NOX4: variants seen among roughly 807,000 people sequenced by gnomAD.
NOX4 encodes kidney oxidase-1.
Under a neutral mutation model 87.6 loss-of-function variants are expected in NOX4, and 69 were observed. The ratio of observed to expected loss-of-function variants is 0.79; its 90% confidence interval spans 0.65 to 0.96. NOX4 has a LOEUF of 0.96. Among genes scored for constraint, NOX4 ranks in the 40% least tolerant of loss-of-function variants. NOX4 has a pLI of 0.00. For missense variants in NOX4, 680 were observed against 681.5 expected, an observed-to-expected ratio of 1.00 and a Z score of 0.02; for synonymous variants, 275 against 238.2, an observed-to-expected ratio of 1.15 and a Z score of -1.42.
chr11:89,364,006 ACATTC>A (rs1938736324), intron 12 of NOX4, among the ~76,000 whole-genome samples: 1 of 152,086 alleles, frequency 6.6e-6, no homozygotes, highest in Admixed American at 6.6e-5. Context: ...GCTCATGGCT[ACATTC>A]CCAATATTTG....
chr11:89,463,679 T>C (rs1443827619), intron 2 of NOX4, among the ~76,000 whole-genome samples: 3 of 151,898 alleles, frequency 2.0e-5, no homozygotes, highest in African/African-American at 4.8e-5. Context: ...GTAATTTTCA[T>C]TGACTGATAT....
chr11:89,502,666 T>C (rs1282128566), upstream of NOX4, among the ~76,000 whole-genome samples: 1 of 152,056 alleles, frequency 6.6e-6, no homozygotes, highest in East Asian at 1.9e-4. Context: ...CTAAATGCTA[T>C]AATTGAATTA....
chr11:89,542,644 A>C, the NOX4 span, among the ~76,000 whole-genome samples: 3 of 152,272 alleles, frequency 2.0e-5, no homozygotes, highest in East Asian at 5.8e-4. Context: ...GGCAGCTTTT[A>C]GTGGTGTTCT....
Position 89,444,547 on chromosome 11 carries a change from A to G in NOX4, c.350-315T>C, listed in dbSNP as rs190603491. On this transcript the variant is annotated intron_variant, in intron 4 of 17. Coordinates refer to ENST00000263317, the MANE Select transcript of NOX4 (RefSeq NM_016931.5). ...CATACACACACACACACACACACAC[A>G]CACATAAATATGCATCTAATGATAT... 9.4e-3 allele frequency among the ~76,000 whole-genome samples: 1,433 copies of G among 151,718 alleles called. 20 individuals carry two copies. Among genetic ancestry groups the G allele is most frequent in the African/African-American group, 0.033 (1,383 of 41,346 alleles).
chr11:89,438,244 A>G (rs1301028058), intron 6 of NOX4, among the ~76,000 whole-genome samples: 1 of 139,480 alleles, frequency 7.2e-6, no homozygotes, highest in African/African-American at 2.7e-5. Context: ...ATAACATAGT[A>G]ATATATTATT....
Position 89,402,314 on chromosome 11 carries a change from A to C in NOX4, c.846+12T>G, listed in dbSNP as rs1484355359. 8.7e-6 allele frequency: 14 copies of C among 1,603,168 alleles called. No individual in the cohort carries two copies. The highest frequency in any genetic ancestry group is 5.0e-5 in the Admixed American group (3 of 59,852). ...CAAACTTTGTGGAGATCAAACACAA[A>C]ATTAATCTGACCTGTGGAAAATTAG... is the stretch of plus-strand genomic sequence containing the variant. On this transcript the variant is annotated intron_variant, in intron 9 of 17. Transcript: ENST00000263317.
At chr11:89,390,955 C>T (rs1011419096) in intron 11 of NOX4, among the ~76,000 whole-genome samples, 1 of 152,084 alleles carries the variant, frequency 6.6e-6, no homozygotes, top group Non-Finnish European at 1.5e-5. Context: ...CTTTATCCCT[C>T]CAACATTTCC....
the NOX4 span, among the ~76,000 whole-genome samples, chr11:89,555,489 A>G: frequency 6.6e-6 from 1 of 152,210 alleles, no homozygotes; most frequent in Non-Finnish European, 1.5e-5. Flanking sequence ...GTTTCAAAAA[A>G]AAAAGAGTTT....
At chr11:89,490,885 C>T (rs56326837) in intron 1 of NOX4, 20,435 of 700,908 alleles carry the variant, frequency 0.029, 915 homozygotes, top group African/African-American at 0.16. Flanking sequence ...GGGAAAAGAA[C>T]AAAGGGAGCA....
At chr11:89,561,792 T>C in the NOX4 span, among the ~76,000 whole-genome samples, 1 of 152,004 alleles carries the variant, frequency 6.6e-6, no homozygotes, top group African/African-American at 2.4e-5. Flanking sequence ...AGCAAATCCA[T>C]AGAATGTCAG....
At position 89,457,395 on chromosome 11, in the gene NOX4, C is replaced by G. The variant is rs75781660; in HGVS notation, c.154-5500G>C. On this transcript the variant is annotated intron_variant, in intron 2 of 17. Coordinates refer to ENST00000263317, the MANE Select transcript of NOX4 (RefSeq NM_016931.5). ...GCCATAGGCATGAGCATACACAGGACCACTTCAGGCTCACTCCCACCAGTG... is the reference window on the plus strand; with the variant it reads ...GCCATAGGCATGAGCATACACAGGAGCACTTCAGGCTCACTCCCACCAGTG... Among the ~76,000 whole-genome samples, 1,249 of 152,312 alleles carry G rather than the reference C, an allele frequency of 8.2e-3. 18 individuals are homozygous for G. Among genetic ancestry groups the G allele is most frequent in the African/African-American group, 0.029 (1,186 of 41,578 alleles).
At chr11:89,579,570 G>A in the NOX4 span, among the ~76,000 whole-genome samples, 2 of 152,032 alleles carry the variant, frequency 1.3e-5, no homozygotes, top group South Asian at 2.1e-4. Context: ...AACATAAAGA[G>A]TGAATCTACC....
chr11:89,565,068 C>G, the NOX4 span, among the ~76,000 whole-genome samples: 1 of 151,992 alleles, frequency 6.6e-6, no homozygotes, highest in East Asian at 1.9e-4. Flanking sequence ...TGGGATTTAG[C>G]CAGTGAACAT....
chr11:89,571,803 C>T, the NOX4 span, among the ~76,000 whole-genome samples: 4 of 151,992 alleles, frequency 2.6e-5, no homozygotes, highest in Non-Finnish European at 5.9e-5. Context: ...AATAAGGTAG[C>T]TACAAAGATA....
intron 17 of NOX4, among the ~76,000 whole-genome samples, chr11:89,327,893 A>G (rs2135356215): frequency 6.6e-6 from 1 of 152,328 alleles, no homozygotes; most frequent in South Asian, 2.1e-4. Context: ...AATCTAGAAA[A>G]AAAGCAAACA....
intron 8 of NOX4, among the ~76,000 whole-genome samples, chr11:89,409,246 C>T (rs1047760700): frequency 2.0e-5 from 3 of 152,046 alleles, no homozygotes; most frequent in South Asian, 2.1e-4. Context: ...GCTTTTTCCT[C>T]CTCCTTTCCC....
chr11:89,568,092 A>G, the NOX4 span, among the ~76,000 whole-genome samples: 6 of 152,170 alleles, frequency 3.9e-5, no homozygotes, highest in African/African-American at 1.4e-4. Flanking sequence ...ATGGGCCTGG[A>G]CACCACACCT....
intron 11 of NOX4, among the ~76,000 whole-genome samples, chr11:89,399,432 A>AATATATATATAAATATATATAT: frequency 1.3e-5 from 1 of 75,646 alleles, no homozygotes; most frequent in African/African-American, 5.1e-5. Flanking sequence ...CAAGAAATTA[A>AATATATATATAAATATATATAT]ATATATATAT....
chr11:89,541,433 C>T, the NOX4 span, among the ~76,000 whole-genome samples: 1 of 152,182 alleles, frequency 6.6e-6, no homozygotes, highest in African/African-American at 2.4e-5. Context: ...AACCAGGTCT[C>T]AATGCCAACA....
Sources: gnomAD v4.1 joint callset for allele counts (sites outside exome capture counted in the v4.1 genomes callset) on GRCh38, gnomAD v4.1.1 for gene constraint, MANE v1.5 for transcripts, NCBI Gene and HGNC (gene_info 2026-07-23, HGNC 2026-07-21) for gene names.